The following PACRGL variants were observed in gnomAD, a reference collection of about 807,000 sequenced individuals.
PACRGL encodes PACRG-like protein.
A neutral mutation model predicts 34.5 loss-of-function variants in PACRGL; 38 were observed. That is an observed-to-expected ratio of 1.10 (90% CI 0.85 to 1.44). The LOEUF (loss-of-function observed/expected upper bound fraction) is 1.44, where lower values mean the gene tolerates loss of function less well. Ranked by LOEUF, PACRGL falls within the 40% of genes most tolerant of loss-of-function variation. The pLI, the probability that PACRGL is intolerant of heterozygous loss-of-function variation, is 0.00. For missense variants in PACRGL, 305 were observed against 281.4 expected (o/e 1.08, Z -0.60); for synonymous variants, 128 against 100.1 (o/e 1.28, Z -1.66).
rs1186528633 is a variant in PACRGL, at chr4:20,727,785, T to TA, written c.*450dup. 1 of 155,846 alleles carries TA rather than the reference T, an allele frequency of 6.4e-6. No individual in the cohort carries two copies. The highest frequency in any genetic ancestry group is 2.4e-5 in the African/African-American group (1 of 41,500). 9.7% of individuals were successfully genotyped at this position (155,846 alleles called of 1,614,324 possible). ...GGACAAATGTTTGTGAATACACTTT[T>TA]AAAAAATTGTTTTAAAAGAGAAAAG... On this transcript the variant is annotated 3_prime_UTR_variant, in exon 9 of 9. Transcript: ENST00000503585.
chr4:20,752,815 G>A (rs918916430), exon 9 of PACRGL: 36 of 152,186 alleles, frequency 2.4e-4, no homozygotes, highest in African/African-American at 7.7e-4. Context: ...ATGACGAAAA[G>A]AGAAACTGTC....
At chr4:20,751,081 A>T (rs1388087320) in intron 8 of PACRGL, among the ~76,000 whole-genome samples, 1 of 152,186 alleles carries the variant, frequency 6.6e-6, no homozygotes, top group Non-Finnish European at 1.5e-5. Context: ...AGTAATTAAC[A>T]CTACTGAAGG....
At chr4:20,709,192 G>A (rs1407601529) in intron 4 of PACRGL, among the ~76,000 whole-genome samples, 1 of 152,030 alleles carries the variant, frequency 6.6e-6, no homozygotes, top group East Asian at 1.9e-4. Context: ...CCACCACTTT[G>A]TAACCCTAAA....
At chr4:20,718,838 G>A (rs1334803686) in intron 7 of PACRGL, 1 of 152,168 alleles carries the variant, frequency 6.6e-6, no homozygotes, top group Non-Finnish European at 1.5e-5. Flanking sequence ...GCATGATGCT[G>A]GCCTCATAAA....
chr4:20,739,446 C>T (rs1436414679), intron 8 of PACRGL, among the ~76,000 whole-genome samples: 2 of 152,176 alleles, frequency 1.3e-5, no homozygotes, highest in Admixed American at 1.3e-4. Flanking sequence ...GATAACCAGG[C>T]AAACAGGGTC....
downstream of PACRGL, among the ~76,000 whole-genome samples, chr4:20,736,239 C>CT (rs573198675): frequency 5.0e-4 from 76 of 152,114 alleles, no homozygotes; most frequent in African/African-American, 1.8e-3. Flanking sequence ...GACTTCTATA[C>CT]TTTTTTTTCC....
chr4:20,701,857 G>A (rs1051191148), intron 1 of PACRGL: 31 of 456,328 alleles, frequency 6.8e-5, no homozygotes, highest in Admixed American at 3.3e-4. Flanking sequence ...CCGCATATAC[G>A]GAGAGCCAAC....
At chr4:20,752,320 A>G (rs1348054467) in intron 8 of PACRGL, among the ~76,000 whole-genome samples, 1 of 152,134 alleles carries the variant, frequency 6.6e-6, no homozygotes, top group Non-Finnish European at 1.5e-5. Flanking sequence ...CAGCCTCCCA[A>G]AGTGCTGGGA....
rs1747139170 is a variant in PACRGL, at chr4:20,729,328, G to A, written c.*1987G>A. ...CTTCCACTTAATGATTGATACTAAT[G>A]ATTGATACAATAGAAAACAGCCTGT... On this transcript the variant is annotated 3_prime_UTR_variant, in exon 9 of 9. Coordinates refer to ENST00000503585, the MANE Select transcript of PACRGL (RefSeq NM_001258345.3). The A allele has an allele frequency of 1.3e-5, 2 of 151,628 alleles. No homozygotes were observed. Among genetic ancestry groups the A allele is most frequent in the East Asian group, 2.0e-4 (1 of 4,996 alleles). The allele number at this position is 151,628 out of a possible 1,614,324, so 9.4% of individuals were successfully genotyped here. A position where few individuals can be genotyped will look rare whatever the true frequency, so the allele number is the denominator to read the frequency against.
intron 8 of PACRGL, among the ~76,000 whole-genome samples, chr4:20,739,039 G>A (rs564123061): frequency 9.2e-5 from 14 of 152,304 alleles, no homozygotes; most frequent in Non-Finnish European, 1.9e-4. Context: ...GAGGCTGAGG[G>A]AGGGGCGTCC....
At chr4:20,696,758 G>A (rs900045750), upstream of PACRGL, among the ~76,000 whole-genome samples, 105 of 152,304 alleles carry the variant, frequency 6.9e-4, no homozygotes, top group Non-Finnish European at 4.0e-4. Context: ...GTCCAATACA[G>A]TAGCCACTAG....
At chr4:20,742,585 A>C (rs1167140546) in intron 8 of PACRGL, among the ~76,000 whole-genome samples, 1 of 152,190 alleles carries the variant, frequency 6.6e-6, no homozygotes, top group Non-Finnish European at 1.5e-5. Context: ...AGAGCTATTT[A>C]TGGCAAACCC....
rs149945486 is a variant in PACRGL, at chr4:20,720,132, C to G, written c.610-4676C>G. Reference sequence around the variant, plus strand: ...TCTTTGTTGGTTTAAAGTCTTTTATCAGAGACTAGGATTGCAACTTCTGCC... The same window carrying G: ...TCTTTGTTGGTTTAAAGTCTTTTATGAGAGACTAGGATTGCAACTTCTGCC... On this transcript the variant is annotated intron_variant, in intron 7 of 8. Coordinates refer to ENST00000503585, the MANE Select transcript of PACRGL (RefSeq NM_001258345.3). Among the ~76,000 whole-genome samples, 628 of 152,192 alleles carry G rather than the reference C, an allele frequency of 4.1e-3. 9 individuals carry two copies. Among genetic ancestry groups the G allele is most frequent in the African/African-American group, 0.014 (594 of 41,512 alleles).
chr4:20,721,342 G>A (rs1355689069), intron 7 of PACRGL, among the ~76,000 whole-genome samples: 4 of 152,098 alleles, frequency 2.6e-5, no homozygotes, highest in African/African-American at 4.8e-5. Flanking sequence ...GTCATTCTCC[G>A]TCCAGCTTAG....
At chr4:20,712,423 A>C (rs1311315538) in intron 5 of PACRGL, among the ~76,000 whole-genome samples, 1 of 152,048 alleles carries the variant, frequency 6.6e-6, no homozygotes, top group Non-Finnish European at 1.5e-5. Context: ...CAAATAATAC[A>C]ATATAAAAAT....
At chr4:20,735,682 A>G (rs1578431213), downstream of PACRGL, among the ~76,000 whole-genome samples, 1 of 151,670 alleles carries the variant, frequency 6.6e-6, no homozygotes, top group Non-Finnish European at 1.5e-5. Flanking sequence ...GACTACAGGC[A>G]CCCGCCACCA....
chr4:20,758,154 A>G, the PACRGL span, among the ~76,000 whole-genome samples: 1 of 152,204 alleles, frequency 6.6e-6, no homozygotes, highest in Non-Finnish European at 1.5e-5. Flanking sequence ...TAATTGAAAG[A>G]AAAACTATAA....
At chr4:20,701,787 C>T (rs1273127591) in intron 1 of PACRGL, 1 of 451,538 alleles carries the variant, frequency 2.2e-6, no homozygotes, top group Non-Finnish European at 4.5e-6. Flanking sequence ...TCCACCCATG[C>T]CAAAGTCCTC....
At chr4:20,750,807 A>G (rs1372664091) in intron 8 of PACRGL, among the ~76,000 whole-genome samples, 1 of 152,206 alleles carries the variant, frequency 6.6e-6, no homozygotes, top group Non-Finnish European at 1.5e-5. Flanking sequence ...TAAAATGGTA[A>G]CCTTTTAGCT....
Sources: gnomAD v4.1 joint callset for allele counts (sites outside exome capture counted in the v4.1 genomes callset) on GRCh38, gnomAD v4.1.1 for gene constraint, MANE v1.5 for transcripts, NCBI Gene and HGNC (gene_info 2026-07-23, HGNC 2026-07-21) for gene names.